CSF1R: variants seen among roughly 807,000 people sequenced by gnomAD.
CSF1R encodes the protein macrophage colony-stimulating factor 1 receptor.
A neutral mutation model predicts 110.0 loss-of-function variants in CSF1R; 40 were observed. That is an observed-to-expected ratio of 0.36 (90% confidence interval 0.28 to 0.47). The LOEUF (loss-of-function observed/expected upper bound fraction) is 0.47, where lower values mean the gene tolerates loss of function less well. Among genes scored for constraint, CSF1R ranks in the 20% least tolerant of loss-of-function variants. The pLI, the probability that CSF1R is intolerant of heterozygous loss-of-function variation, is 0.99. For missense variants in CSF1R, 1,052 were observed against 1,253.0 expected, an observed-to-expected ratio of 0.84 and a Z score of 2.42; for synonymous variants, 523 against 503.4, an observed-to-expected ratio of 1.04 and a Z score of -0.52.
chr5:150,067,287 G>A (rs1401477758), intron 10 of CSF1R: 1 of 152,138 alleles, frequency 6.6e-6, no homozygotes, highest in Non-Finnish European at 1.5e-5. Context: ...TCTTGTGAGG[G>A]TAAAATAAGA....
intron 6 of CSF1R, among the ~76,000 whole-genome samples, chr5:150,071,596 C>T (rs1758034053): frequency 6.6e-6 from 1 of 152,196 alleles, no homozygotes; most frequent in Non-Finnish European, 1.5e-5. Context: ...TTGAAAGTCA[C>T]CATTATGAAC....
chr5:150,056,435 G>A (rs1581280347), intron 16 of CSF1R, 94 bp from the exon 17 acceptor site: 3 of 1,512,876 alleles, frequency 2.0e-6, no homozygotes, highest in Admixed American at 1.9e-5. Context: ...TGGCTTTGGA[G>A]TCCCTGCTGG....
chr5:150,089,551 C>A (rs1394076580), upstream of CSF1R, among the ~76,000 whole-genome samples: 1 of 152,100 alleles, frequency 6.6e-6, no homozygotes, highest in African/African-American at 2.4e-5. Flanking sequence ...ATTTAGAAGA[C>A]CTTAATAAAT....
At chr5:150,096,962 T>A (rs1431879096) in intron 1 of CSF1R, among the ~76,000 whole-genome samples, 5 of 152,068 alleles carry the variant, frequency 3.3e-5, no homozygotes, top group Non-Finnish European at 5.9e-5. Flanking sequence ...GACACTGTAG[T>A]AAGGCAAAAA....
At chr5:150,069,626 G>C (rs1757938857) in intron 9 of CSF1R, among the ~76,000 whole-genome samples, 1 of 152,194 alleles carries the variant, frequency 6.6e-6, no homozygotes, top group Non-Finnish European at 1.5e-5. Context: ...AAGAGTGGGG[G>C]CCAGTTTCTT....
chr5:150,055,637 G>GAGC (rs1359770894), intron 18 of CSF1R, among the ~76,000 whole-genome samples: 3 of 152,218 alleles, frequency 2.0e-5, no homozygotes, highest in African/African-American at 7.2e-5. Flanking sequence ...GAGGGTATAG[G>GAGC]AGCAGCGTAT....
chr5:150,061,994 A>G, intron 10 of CSF1R, 145 bp from the exon 11 acceptor site: 2 of 1,093,840 alleles, frequency 1.8e-6, no homozygotes, highest in South Asian at 1.4e-5. Flanking sequence ...GGGCTGAGAG[A>G]GGTCGTCTCA....
intron 5 of CSF1R, among the ~76,000 whole-genome samples, chr5:150,074,773 G>A (rs865966311): frequency 9.2e-5 from 14 of 152,050 alleles, no homozygotes; most frequent in Non-Finnish European, 5.9e-5. Context: ...ATTATTCAGC[G>A]TGGCGTTCAA....
intron 1 of CSF1R, among the ~76,000 whole-genome samples, chr5:150,093,566 C>T (rs983576881): frequency 1.3e-5 from 2 of 151,790 alleles, no homozygotes; most frequent in Non-Finnish European, 1.5e-5. Context: ...CATACTCAAT[C>T]CAAAGGAAGA....
Position 150,086,465 on chromosome 5 carries a change from C to A in CSF1R, c.-38G>T. ...GAAGTGGCAGGCAGGTGCAGGGCTG[C>A]AAGGTGCCCAGGGCACAGAGCTCTC... On this transcript the variant is annotated 5_prime_UTR_variant, in exon 1 of 21. Transcript: ENST00000675795. The A allele has an allele frequency of 6.3e-7, 1 of 1,592,864 alleles. No homozygotes were observed. Among genetic ancestry groups the A allele is most frequent in the Non-Finnish European group, 8.6e-7 (1 of 1,169,008 alleles).
intron 6 of CSF1R, among the ~76,000 whole-genome samples, chr5:150,071,329 ATGTG>A (rs199828848): frequency 1.3e-5 from 2 of 152,204 alleles, no homozygotes; most frequent in Admixed American, 6.5e-5. Context: ...CATAATGAAC[ATGTG>A]TTGTTTAGGT....
At chr5:150,111,886 C>T (rs1167886375) in intron 1 of CSF1R, among the ~76,000 whole-genome samples, 1 of 152,228 alleles carries the variant, frequency 6.6e-6, no homozygotes, top group African/African-American at 2.4e-5. Context: ...CAGGACTGCT[C>T]TCTGACCATT....
chr5:150,066,119 G>A (rs1757759042), intron 10 of CSF1R, among the ~76,000 whole-genome samples: 1 of 152,174 alleles, frequency 6.6e-6, no homozygotes, highest in South Asian at 2.1e-4. Context: ...TCAAGGAGAT[G>A]ATGCCCGACC....
chr5:150,073,404 C>A lies in CSF1R; in HGVS notation c.979G>T (p.Ala327Ser), dbSNP rs762078544. 2.5e-5 allele frequency: 41 copies of A among 1,613,990 alleles called. 1 individual carries two copies. Among genetic ancestry groups the A allele is most frequent in the Non-Finnish European group, 7.6e-6 (9 of 1,180,024 alleles). ...EGLNLKVMVE[A>S]YPGLQGFNWT... ...TTAAAACCTTGCAGGCCTGGGTAGG[C>A]CTCCACCATGACTTTGAGGTTGAGC... The change falls in exon 6 of 21, where the codon GCC (alanine) becomes TCC (serine). Residue 327 changes from alanine to serine, a missense_variant. By Grantham distance (99) the Ala-to-Ser change is moderately conservative. This residue lies in a region of CSF1R where 693 missense variants were observed against 735.4 expected (regional missense o/e 0.94). Transcript: ENST00000675795.
chr5:150,077,104 G>C (rs1758297697), intron 5 of CSF1R, 172 bp downstream of exon 5: 1 of 784,886 alleles, frequency 1.3e-6, no homozygotes, highest in African/African-American at 1.7e-5. Flanking sequence ...CCAGGAGAGG[G>C]TAAGGGAAAG....
At position 150,059,879 on chromosome 5, in the gene CSF1R, T is replaced by C. The variant is rs759805339; in HGVS notation, c.1970-17A>G. On this transcript the variant is annotated splice_polypyrimidine_tract_variant and intron_variant, in intron 13 of 20. Coordinates refer to ENST00000675795, the MANE Select transcript of CSF1R (RefSeq NM_001288705.3). ...GTACAGGGCCTAGAGCAGCCAAGGG[T>C]GTGGGGTGAGGGAGGTGCTGAGTGC... 1.9e-6 allele frequency: 3 copies of C among 1,596,874 alleles called. No individual in the cohort carries two copies. The highest frequency in any genetic ancestry group is 2.6e-6 in the Non-Finnish European group (3 of 1,167,068).
intron 1 of CSF1R, among the ~76,000 whole-genome samples, chr5:150,109,456 A>G (rs75744593): frequency 0.031 from 4,736 of 152,260 alleles, 114 homozygotes; most frequent in Admixed American, 0.061. Context: ...ACTGAATGGC[A>G]CTGTGGGAAG....
intron 1 of CSF1R, among the ~76,000 whole-genome samples, chr5:150,085,293 A>AAAAAAAAAAG (rs1554104530): frequency 6.9e-6 from 1 of 145,746 alleles, no homozygotes; most frequent in African/African-American, 2.5e-5. Context: ...AAAAAAAAAA[A>AAAAAAAAAAG]CCCAAATACT....
intron 1 of CSF1R, among the ~76,000 whole-genome samples, chr5:150,082,128 C>T (rs990224767): frequency 1.3e-5 from 2 of 152,238 alleles, no homozygotes; most frequent in Non-Finnish European, 2.9e-5. Context: ...GTGCCACTTG[C>T]GGGGCAGCTG....
Sources: allele counts gnomAD v4.1 joint callset (sites outside exome capture counted in the v4.1 genomes callset), GRCh38; gene constraint gnomAD v4.1.1; regional missense constraint gnomAD v4.1.1; transcripts MANE v1.5; gene names NCBI Gene and HGNC (gene_info 2026-07-23, HGNC 2026-07-21).